Variants in LGSN observed in about 807,000 individuals in gnomAD.
The protein encoded by LGSN is lengsin, lens protein with glutamine synthetase domain, also known as lengsin.
In LGSN, 21 loss-of-function variants were observed where a neutral mutation model predicts 19.5. That is an observed-to-expected ratio of 1.07 (90% confidence interval 0.76 to 1.55). The LOEUF (loss-of-function observed/expected upper bound fraction) is 1.55. LGSN is among the 40% of genes most tolerant of loss of function. LGSN has a pLI of 0.00. For synonymous variants in LGSN, 257 were observed against 215.6 expected, an observed-to-expected ratio of 1.19 and a Z score of -1.68; for missense variants, 673 against 608.5, an observed-to-expected ratio of 1.11 and a Z score of -1.12.
At chr6:63,422,066 T>A in the LGSN span, among the ~76,000 whole-genome samples, 1 of 152,102 alleles carries the variant, frequency 6.6e-6, no homozygotes, top group Admixed American at 6.6e-5. Context: ...AAAAATTTTT[T>A]GTTGTTTTGT....
the LGSN span, among the ~76,000 whole-genome samples, chr6:63,445,664 A>G: frequency 6.6e-6 from 1 of 152,290 alleles, no homozygotes; most frequent in African/African-American, 2.4e-5. Context: ...GCCTTGTATA[A>G]GAATTAAGAA....
intron 1 of LGSN, among the ~76,000 whole-genome samples, chr6:63,312,191 A>G (rs1417368065): frequency 6.6e-6 from 1 of 152,164 alleles, no homozygotes; most frequent in Non-Finnish European, 1.5e-5. Context: ...TTCTTTATCC[A>G]TTCATCTATT....
In LGSN at chr6:63,280,395, A is replaced by T. The variant is rs773951641; in HGVS notation, c.1156T>A (p.Tyr386Asn). The T allele has an allele frequency of 1.9e-5, 31 of 1,613,952 alleles. 1 individual carries two copies. The South Asian group carries it at 3.1e-4, about 16-fold the overall frequency. The change falls in exon 4 of 4, where the codon TAC (tyrosine) becomes AAC (asparagine). Residue 386 changes from tyrosine to asparagine, a missense_variant. By Grantham distance (143) the Tyr-to-Asn change is moderately radical (BLOSUM62 -2). Coordinates refer to ENST00000370657, the MANE Select transcript of LGSN (RefSeq NM_016571.3). ...TTAAATATACAGCTGTTGTCATTGT[A>T]TCCCCATGTTGTAGGCACACTCTTC... ...LKKSVPTTWG[Y>N]NDNSCIFNIK... is the part of the protein sequence containing the mutation.
chr6:63,290,656 G>A (rs945253946), intron 2 of LGSN, among the ~76,000 whole-genome samples: 1 of 152,186 alleles, frequency 6.6e-6, no homozygotes, highest in African/African-American at 2.4e-5. Flanking sequence ...TCTACTTCAC[G>A]GGGTGGCAAG....
chr6:63,558,121 C>T, the LGSN span, among the ~76,000 whole-genome samples: 1 of 152,044 alleles, frequency 6.6e-6, no homozygotes, highest in Admixed American at 6.6e-5. Context: ...CCACCCACCT[C>T]GGCCTCCCAA....
chr6:63,302,645 T>C (rs1296537871), intron 1 of LGSN, among the ~76,000 whole-genome samples: 1 of 152,184 alleles, frequency 6.6e-6, no homozygotes, highest in Non-Finnish European at 1.5e-5. Flanking sequence ...AATATGCAAT[T>C]TGAATGAGGT....
the LGSN span, among the ~76,000 whole-genome samples, chr6:63,430,314 C>T: frequency 1.3e-5 from 2 of 152,158 alleles, no homozygotes; most frequent in African/African-American, 4.8e-5. Context: ...GTGAGAACAG[C>T]TGGTCTCTGG....
the LGSN span, among the ~76,000 whole-genome samples, chr6:63,359,162 C>T: frequency 6.6e-6 from 1 of 152,260 alleles, no homozygotes; most frequent in African/African-American, 2.4e-5. Context: ...TTGAACCAGC[C>T]TTGCATCCCA....
the LGSN span, among the ~76,000 whole-genome samples, chr6:63,330,063 C>T: frequency 6.6e-6 from 1 of 152,236 alleles, no homozygotes; most frequent in African/African-American, 2.4e-5. Context: ...CCCAGGCACC[C>T]TCAGTCCTGT....
the LGSN span, among the ~76,000 whole-genome samples, chr6:63,519,292 G>A: frequency 2.9e-4 from 44 of 151,972 alleles, no homozygotes; most frequent in African/African-American, 1.0e-3. Flanking sequence ...GGGTGACAAA[G>A]GCGAAACTCT....
At chr6:63,452,231 G>A in the LGSN span, among the ~76,000 whole-genome samples, 1 of 151,746 alleles carries the variant, frequency 6.6e-6, no homozygotes, top group African/African-American at 2.4e-5. Flanking sequence ...TTTCTTTGTT[G>A]GTTTTTCGTT....
chr6:63,300,318 T>C (rs1489681687), intron 1 of LGSN, among the ~76,000 whole-genome samples: 1 of 152,200 alleles, frequency 6.6e-6, no homozygotes, highest in African/African-American at 2.4e-5. Flanking sequence ...GGAGAATACC[T>C]ACGTTATTTT....
At chr6:63,500,168 G>A in the LGSN span, among the ~76,000 whole-genome samples, 1 of 152,106 alleles carries the variant, frequency 6.6e-6, no homozygotes, top group Non-Finnish European at 1.5e-5. Context: ...AGTGTTAACA[G>A]AGGCCCCTCC....
At chr6:63,377,208 C>T in the LGSN span, among the ~76,000 whole-genome samples, 4 of 152,180 alleles carry the variant, frequency 2.6e-5, no homozygotes, top group Non-Finnish European at 5.9e-5. Flanking sequence ...AACCAGCTGG[C>T]TTTTTTAATC....
At chr6:63,355,973 C>CT in the LGSN span, among the ~76,000 whole-genome samples, 1 of 152,158 alleles carries the variant, frequency 6.6e-6, no homozygotes, top group Non-Finnish European at 1.5e-5. Flanking sequence ...GCCACTGGAC[C>CT]TCGCCAGTAC....
chr6:63,351,702 C>T, the LGSN span, among the ~76,000 whole-genome samples: 2 of 152,116 alleles, frequency 1.3e-5, no homozygotes, highest in Admixed American at 6.6e-5. Context: ...AAGTGAACCA[C>T]CCACCTCGGC....
chr6:63,361,091 T>C, the LGSN span, among the ~76,000 whole-genome samples: 1 of 152,246 alleles, frequency 6.6e-6, no homozygotes, highest in Non-Finnish European at 1.5e-5. Context: ...CCAGTTAGGC[T>C]ACTCGAGGGT....
the LGSN span, among the ~76,000 whole-genome samples, chr6:63,404,300 C>T: frequency 2.6e-5 from 4 of 152,006 alleles, no homozygotes; most frequent in African/African-American, 7.3e-5. Context: ...AATGCGTTAA[C>T]TTAAATTTCC....
chr6:63,323,426 A>C (rs1361913067), upstream of LGSN, among the ~76,000 whole-genome samples: 2 of 152,086 alleles, frequency 1.3e-5, no homozygotes, highest in Non-Finnish European at 2.9e-5. Flanking sequence ...GTCTATTCAC[A>C]GAAGACATTT....
Sources: allele counts gnomAD v4.1 joint callset (sites outside exome capture counted in the v4.1 genomes callset), GRCh38; gene constraint gnomAD v4.1.1; transcripts MANE v1.5; gene names NCBI Gene and HGNC (gene_info 2026-07-23, HGNC 2026-07-21).